SRSF4: variants seen among roughly 807,000 people sequenced by gnomAD.
SRSF4 encodes the protein serine and arginine rich splicing factor 4, also known as serine/arginine-rich splicing factor 4.
In SRSF4, 12 loss-of-function variants were observed where a neutral mutation model predicts 48.8. The observed-to-expected ratio is 0.25, with a 90% CI of 0.16 to 0.40. The LOEUF (loss-of-function observed/expected upper bound fraction) is 0.40, where lower values mean the gene tolerates loss of function less well. Among genes scored for constraint, SRSF4 ranks in the 10% least tolerant of loss-of-function variants. The pLI is 1.00. For synonymous variants in SRSF4, 248 were observed against 232.5 expected, an observed-to-expected ratio of 1.07 and a Z score of -0.61; for missense variants, 466 against 667.1, an observed-to-expected ratio of 0.70 and a Z score of 3.32.
intron 5 of SRSF4, among the ~76,000 whole-genome samples, 187 bp from the exon 6 acceptor site, chr1:29,149,413 G>A (rs1672367210): frequency 6.6e-6 from 1 of 152,202 alleles, no homozygotes; most frequent in South Asian, 2.1e-4. Flanking sequence ...AGGTGCGGCG[G>A]CTCATGCCCA....
intron 1 of SRSF4, chr1:29,170,553 T>G (rs1672732778): frequency 6.6e-6 from 1 of 152,180 alleles, no homozygotes; most frequent in Non-Finnish European, 1.5e-5. Flanking sequence ...CTGGAGTCTG[T>G]TTCTTCATTT....
chr1:29,153,051 G>A (rs748383105), intron 4 of SRSF4, among the ~76,000 whole-genome samples: 1 of 152,118 alleles, frequency 6.6e-6, no homozygotes, highest in African/African-American at 2.4e-5. Flanking sequence ...TAGTTGTGCT[G>A]TGTGCATTTT....
chr1:29,171,065 TAAG>T (rs1160790848), intron 1 of SRSF4: 1 of 152,148 alleles, frequency 6.6e-6, no homozygotes, highest in Non-Finnish European at 1.5e-5. Context: ...CAGGGTACTA[TAAG>T]ACCAGACGGC....
chr1:29,171,847 G>A (rs898629287), intron 1 of SRSF4: 2 of 152,164 alleles, frequency 1.3e-5, no homozygotes, highest in African/African-American at 2.4e-5. Context: ...GTACCTCAAT[G>A]AGAAAGGAGG....
At chr1:29,150,831 A>AC (rs1672398263) in intron 4 of SRSF4, among the ~76,000 whole-genome samples, 1 of 151,690 alleles carries the variant, frequency 6.6e-6, no homozygotes, top group Non-Finnish European at 1.5e-5. Context: ...CCCCTTACAC[A>AC]CCCACGATCA....
At chr1:29,173,945 T>C (rs1672793271) in intron 1 of SRSF4, among the ~76,000 whole-genome samples, 1 of 151,354 alleles carries the variant, frequency 6.6e-6, no homozygotes, top group East Asian at 2.0e-4. Context: ...TCCCAGCACT[T>C]TGGGAGGATG....
At position 29,159,444 on chromosome 1, in the gene SRSF4, G is replaced by C; in HGVS notation, c.293C>G (p.Pro98Arg). The C allele has an allele frequency of 6.2e-7, 1 of 1,613,906 alleles. No individual in the cohort carries two copies. The highest frequency in any genetic ancestry group is 8.5e-7 in the Non-Finnish European group (1 of 1,179,936). The change falls in exon 3 of 6, where the codon CCT becomes CGT. Residue 98 changes from proline to arginine, a missense_variant. Physicochemically the swap from Pro to Arg is moderately radical, Grantham distance 103. This residue lies in a region of SRSF4 where 64 missense variants were observed against 230.2 expected (regional missense o/e 0.28). Transcript: ENST00000373795. ...AAGTCTGTACTCTGTGCGAGTAGGA[G>C]GGCCATATTTATCTCGGCCACTTCT... The part of the protein sequence containing the change: ...YRRSGRDKYG[P>R]PTRTEYRLIV...
intron 1 of SRSF4, among the ~76,000 whole-genome samples, chr1:29,176,390 G>A (rs988503491): frequency 6.6e-6 from 1 of 152,024 alleles, no homozygotes; most frequent in Non-Finnish European, 1.5e-5. Context: ...CTGCCACTTG[G>A]TGGTGGGTGA....
In SRSF4 at chr1:29,148,152, C is replaced by G. The variant is rs1672334948; in HGVS notation, c.*258G>C. ...TGTAGGAAAGGCCAGGCCTGAAAGC[C>G]AAGGCGTTTTGGATATTCTACTGTG... On this transcript the variant is annotated 3_prime_UTR_variant, in exon 6 of 6. Transcript: ENST00000373795. The G allele has an allele frequency of 1.6e-6, 1 of 625,092 alleles. No homozygotes were observed. The highest frequency in any genetic ancestry group is 3.0e-6 in the Non-Finnish European group (1 of 338,794). The allele number at this position is 625,092 out of a possible 1,614,324, so 38.7% of individuals were successfully genotyped here.
At chr1:29,156,986 G>A (rs577605992) in intron 3 of SRSF4, among the ~76,000 whole-genome samples, 21 of 152,302 alleles carry the variant, frequency 1.4e-4, no homozygotes, top group East Asian at 1.2e-3. Context: ...CGTCATACAC[G>A]TAATCTACAG....
intron 1 of SRSF4, among the ~76,000 whole-genome samples, chr1:29,174,055 G>T (rs960937975): frequency 2.0e-5 from 3 of 151,764 alleles, no homozygotes; most frequent in Non-Finnish European, 4.4e-5. Flanking sequence ...GGGGTGTGGT[G>T]GCAGGCGCCT....
intron 1 of SRSF4, among the ~76,000 whole-genome samples, chr1:29,177,492 G>A (rs1672887996): frequency 6.6e-6 from 1 of 152,188 alleles, no homozygotes; most frequent in Non-Finnish European, 1.5e-5. Flanking sequence ...ATGTTGGTCA[G>A]GCTGGTCTTG....
intron 4 of SRSF4, among the ~76,000 whole-genome samples, chr1:29,153,171 G>A (rs1403672694): frequency 3.3e-5 from 5 of 151,970 alleles, no homozygotes; most frequent in African/African-American, 7.3e-5. Context: ...TCTTTCTGTC[G>A]CCCAGGCTGG....
chr1:29,148,460 C>G lies in SRSF4; in HGVS notation c.1435G>C (p.Ala479Pro). 6.2e-7 allele frequency: 1 copy of G among 1,612,502 alleles called. No individual in the cohort carries two copies. Among genetic ancestry groups the G allele is most frequent in the South Asian group, 1.1e-5 (1 of 90,796 alleles). Reference sequence around the variant, plus strand: ...CTAGATCGGGAGGGCGATCTGGAAGCAGACCTGGATCTAGACTTGGACCGA... The same window carrying G: ...CTAGATCGGGAGGGCGATCTGGAAGGAGACCTGGATCTAGACTTGGACCGA... ...RSRSKSRSRS[A>P]SRSPSRSRSR... is the part of the protein sequence containing the mutation. The change falls in exon 6 of 6, where the codon GCT becomes CCT. Residue 479 changes from alanine (A) to proline (P), a missense_variant. Ala to Pro is a conservative substitution (Grantham distance 27, BLOSUM62 -1). Coordinates refer to ENST00000373795, the MANE Select transcript of SRSF4 (RefSeq NM_005626.5).
chr1:29,148,124 C>T lies in SRSF4; in HGVS notation c.*286G>A. The T allele has an allele frequency of 1.7e-6, 1 of 573,794 alleles. No homozygotes were observed. The highest frequency in any genetic ancestry group is 3.3e-6 in the Non-Finnish European group (1 of 304,264). The allele number at this position is 573,794 out of a possible 1,614,324, so 35.5% of individuals were successfully genotyped here. On this transcript the variant is annotated 3_prime_UTR_variant, in exon 6 of 6. Coordinates refer to ENST00000373795, the MANE Select transcript of SRSF4 (RefSeq NM_005626.5). ...TTAGAGCCGTCCAGGTTACTGAGCT[C>T]CCTGTAGGAAAGGCCAGGCCTGAAA... is the stretch of plus-strand genomic sequence containing the variant.
At chr1:29,172,999 G>T (rs1454023308) in intron 1 of SRSF4, 1 of 152,028 alleles carries the variant, frequency 6.6e-6, no homozygotes, top group South Asian at 2.1e-4. Flanking sequence ...TAAAAAAAGC[G>T]TGACACAAAA....
chr1:29,162,607 TGAGA>T (rs1200460872), intron 1 of SRSF4, among the ~76,000 whole-genome samples: 1 of 152,222 alleles, frequency 6.6e-6, no homozygotes, highest in African/African-American at 2.4e-5. Context: ...TGGCACCATG[TGAGA>T]GCCTGACGCC....
chr1:29,149,611 G>A (rs1402610141), intron 5 of SRSF4, among the ~76,000 whole-genome samples: 4 of 151,448 alleles, frequency 2.6e-5, no homozygotes, highest in Non-Finnish European at 5.9e-5. Context: ...AACCCGTGAG[G>A]CAGAGGTTGC....
In SRSF4 at chr1:29,180,400, A is replaced by G. The variant is rs1375075087; in HGVS notation, c.107+1246T>C. ...CTGTAAAAGAAATCAGTACTTTACT[A>G]AAGACGTCCTCAGAAAGAAAACGAT... On this transcript the variant is annotated intron_variant, in intron 1 of 5. Transcript: ENST00000373795. 3.9e-5 allele frequency among the ~76,000 whole-genome samples: 6 copies of G among 152,238 alleles called. No homozygotes were observed. The East Asian group carries it at 5.8e-4, about 15-fold the overall frequency.
Sources: gnomAD v4.1 joint callset for allele counts (sites outside exome capture counted in the v4.1 genomes callset) on GRCh38, gnomAD v4.1.1 for gene constraint, gnomAD v4.1.1 regional missense constraint, MANE v1.5 for transcripts, NCBI Gene and HGNC (gene_info 2026-07-23, HGNC 2026-07-21) for gene names.